Variants in CRYBB3 observed in about 807,000 individuals in gnomAD.
CRYBB3 encodes crystallin beta B3.
A neutral mutation model predicts 28.3 loss-of-function variants in CRYBB3; 35 were observed. The ratio of observed to expected loss-of-function variants is 1.24; its 90% CI spans 0.95 to 1.64. The LOEUF (loss-of-function observed/expected upper bound fraction) is 1.64, where lower values mean the gene tolerates loss of function less well. Ranked by LOEUF, CRYBB3 falls within the 40% of genes most tolerant of loss-of-function variation. CRYBB3 has a pLI of 0.00. For synonymous variants in CRYBB3, 106 were observed against 110.4 expected, an observed-to-expected ratio of 0.96 and a Z score of 0.25; for missense variants, 296 against 297.4, an observed-to-expected ratio of 1.00 and a Z score of 0.04.
At chr22:25,203,428 C>A (rs999713324) in intron 3 of CRYBB3, among the ~76,000 whole-genome samples, 1 of 152,112 alleles carries the variant, frequency 6.6e-6, no homozygotes, top group African/African-American at 2.4e-5. Flanking sequence ...AATAACAATA[C>A]AATACAAAGA....
chr22:25,201,413 G>A lies in CRYBB3; in HGVS notation c.17G>A (p.Gly6Glu). The part of the protein sequence containing the change: MAEQH[G>E]APEQAAAGKS... ...CCTGGGGAGATGGCGGAACAGCACG[G>A]AGCACCCGAACAGGCTGCAGCTGGC... The change falls in exon 2 of 6, where the codon GGA becomes GAA. Residue 6 changes from glycine to glutamate, a missense_variant. By Grantham distance (98) the Gly-to-Glu change is moderately conservative. Coordinates refer to ENST00000215855, the MANE Select transcript of CRYBB3 (RefSeq NM_004076.5). The A allele has an allele frequency of 6.2e-7, 1 of 1,613,418 alleles. No homozygotes were observed. Among genetic ancestry groups the A allele is most frequent in the Non-Finnish European group, 8.5e-7 (1 of 1,179,624 alleles).
intron 2 of CRYBB3, among the ~76,000 whole-genome samples, chr22:25,202,167 G>A (rs1343758730): frequency 1.3e-5 from 2 of 152,148 alleles, no homozygotes; most frequent in African/African-American, 4.8e-5. Context: ...CTTCTACAAA[G>A]TCAGTTTGTG....
rs1569008061 is a variant in CRYBB3, at chr22:25,202,756, TGGA to T, written c.160_162del (p.Glu54del). The T allele has an allele frequency of 6.2e-7, 1 of 1,614,124 alleles. No individual in the cohort carries two copies. The highest frequency in any genetic ancestry group is 1.1e-5 in the South Asian group (1 of 91,068). On this transcript the variant is annotated inframe_deletion, in exon 3 of 6. Coordinates refer to ENST00000215855, the MANE Select transcript of CRYBB3 (RefSeq NM_004076.5). The stretch of plus-strand genomic sequence containing the variant: ...TGCCCCAGCCTGACCGACAGCCTGC[TGGA>T]GAAGGTGGGCTCCATCCAAGTGGAG...
At chr22:25,200,117 C>T (rs1370454297) in intron 1 of CRYBB3, among the ~76,000 whole-genome samples, 2 of 152,108 alleles carry the variant, frequency 1.3e-5, no homozygotes, top group Non-Finnish European at 2.9e-5. Context: ...GGGTCCAAGC[C>T]CCTGGACATG....
At chr22:25,205,961 A>C (rs575385828) in intron 5 of CRYBB3, among the ~76,000 whole-genome samples, 6 of 152,242 alleles carry the variant, frequency 3.9e-5, no homozygotes, top group African/African-American at 1.4e-4. Context: ...TGTTCTTCTT[A>C]ACAAGGGGCC....
rs56398932 is a variant in CRYBB3 at position 25,205,522 on chromosome 22, C to T, written c.470+160C>T. ...TCGCCCAGGCTGGAGTGCAGTGGCGCGATCTCAGCTCACTGCAAGCTCCGC... is the reference window on the plus strand; with the variant it reads ...TCGCCCAGGCTGGAGTGCAGTGGCGTGATCTCAGCTCACTGCAAGCTCCGC... On this transcript the variant is annotated intron_variant, in intron 5 of 5. Coordinates refer to ENST00000215855, the MANE Select transcript of CRYBB3 (RefSeq NM_004076.5). 0.069 allele frequency among the ~76,000 whole-genome samples: 10,550 copies of T among 152,154 alleles called. 469 individuals are homozygous for T. The highest frequency in any genetic ancestry group is 0.21 in the South Asian group (1,025 of 4,816).
chr22:25,205,180 G>T (rs1172749334), intron 4 of CRYBB3, 40 bp from the exon 5 acceptor site: 1 of 1,612,234 alleles, frequency 6.2e-7, no homozygotes, highest in Non-Finnish European at 8.5e-7. Flanking sequence ...CTCTGTTCTG[G>T]ATATGGGAGC....
chr22:25,205,058 A>C (rs1395574695), intron 4 of CRYBB3, among the ~76,000 whole-genome samples, 162 bp from the exon 5 acceptor site: 1 of 152,166 alleles, frequency 6.6e-6, no homozygotes, highest in East Asian at 1.9e-4. Flanking sequence ...CCTACAGTGA[A>C]TTTGGGGGTG....
At chr22:25,203,638 A>C (rs531008543) in intron 3 of CRYBB3, 125 bp from the exon 4 acceptor site, 1 of 1,049,166 alleles carries the variant, frequency 9.5e-7, no homozygotes, top group South Asian at 1.4e-5. Flanking sequence ...TCCAGGAATT[A>C]GCAGTAGGGT....
At chr22:25,205,497 T>G in intron 5 of CRYBB3, 135 bp downstream of exon 5, 2 of 1,124,626 alleles carry the variant, frequency 1.8e-6, no homozygotes, top group South Asian at 4.3e-5. Context: ...TCTTGCTCTG[T>G]CGCCCAGGCT....
chr22:25,203,952 C>G, intron 4 of CRYBB3, 57 bp downstream of exon 4: 1 of 1,609,908 alleles, frequency 6.2e-7, no homozygotes, highest in Non-Finnish European at 8.5e-7. Flanking sequence ...GCACTGAGAG[C>G]TGGTCAGGCA....
chr22:25,207,121 A>G lies in CRYBB3; in HGVS notation c.545A>G (p.Asn182Ser). 3 of 1,613,636 alleles carry G rather than the reference A, an allele frequency of 1.9e-6. No homozygotes were observed. The South Asian group carries it at 3.3e-5, about 18-fold the overall frequency. ...VFERGEYRHW[N>S]EWDASQPQLQ... ...GAGCGGGGCGAGTACCGCCACTGGA[A>G]TGAGTGGGACGCCAGCCAGCCGCAG... The change falls in exon 6 of 6, where the codon AAT (asparagine) becomes AGT (serine). Residue 182 changes from asparagine (N) to serine (S), a missense_variant. Coordinates refer to ENST00000215855, the MANE Select transcript of CRYBB3 (RefSeq NM_004076.5).
At chr22:25,201,651 C>T (rs1260648750) in intron 2 of CRYBB3, among the ~76,000 whole-genome samples, 180 bp downstream of exon 2, 2 of 152,220 alleles carry the variant, frequency 1.3e-5, no homozygotes, top group Admixed American at 6.5e-5. Context: ...TGCTTCATGA[C>T]TTTGCTGCAT....
At chr22:25,202,025 C>G (rs1166330156) in intron 2 of CRYBB3, among the ~76,000 whole-genome samples, 1 of 152,198 alleles carries the variant, frequency 6.6e-6, no homozygotes, top group Non-Finnish European at 1.5e-5. Context: ...CTATTCCAGA[C>G]AGAGTCTAAG....
chr22:25,206,345 A>G (rs1935033625), intron 5 of CRYBB3, among the ~76,000 whole-genome samples: 1 of 152,094 alleles, frequency 6.6e-6, no homozygotes, highest in Non-Finnish European at 1.5e-5. Context: ...GGAGTTCATG[A>G]CCAGCCTGAC....
intron 1 of CRYBB3, among the ~76,000 whole-genome samples, chr22:25,200,570 A>C (rs1934927733): frequency 6.6e-6 from 1 of 152,136 alleles, no homozygotes; most frequent in African/African-American, 2.4e-5. Context: ...CAAACAGAAC[A>C]GTCCTGTGTG....
At chr22:25,201,315 G>C in intron 1 of CRYBB3, 62 bp from the exon 2 acceptor site, 1 of 1,599,836 alleles carries the variant, frequency 6.3e-7, no homozygotes, top group Non-Finnish European at 8.5e-7. Flanking sequence ...CTGGACTCCA[G>C]TCACATCAAC....
chr22:25,206,824 A>T (rs1335797499), intron 5 of CRYBB3, among the ~76,000 whole-genome samples: 1 of 152,174 alleles, frequency 6.6e-6, no homozygotes, highest in Non-Finnish European at 1.5e-5. Flanking sequence ...GGGAAAGTAG[A>T]ATAAGAGAGG....
chr22:25,203,007 C>G (rs1418979549), intron 3 of CRYBB3, among the ~76,000 whole-genome samples: 2 of 152,216 alleles, frequency 1.3e-5, no homozygotes, highest in Non-Finnish European at 2.9e-5. Flanking sequence ...GGAAGAACAG[C>G]AAGGTCAACC....
Sources: allele counts gnomAD v4.1 joint callset (sites outside exome capture counted in the v4.1 genomes callset), GRCh38; gene constraint gnomAD v4.1.1; transcripts MANE v1.5; gene names NCBI Gene and HGNC (gene_info 2026-07-23, HGNC 2026-07-21).